Variants in TNRC6B observed in about 807,000 individuals in gnomAD.
The protein encoded by TNRC6B is trinucleotide repeat containing adaptor 6B, also known as trinucleotide repeat-containing gene 6B protein.
TNRC6B carries 52 observed loss-of-function variants against 203.6 expected under a neutral mutation model. The ratio of observed to expected loss-of-function variants is 0.26; its 90% CI spans 0.20 to 0.32. The LOEUF is 0.32. Ranked by LOEUF, TNRC6B falls within the 10% of genes least tolerant of loss-of-function variation. The probability of loss-of-function intolerance (pLI) is 1.00; values close to 1 mark genes in which losing one functional copy is unlikely to be tolerated. For missense variants in TNRC6B, 1,923 were observed against 2,286.2 expected (o/e 0.84, Z 3.24); for synonymous variants, 838 against 845.7 (o/e 0.99, Z 0.16).
intron 3 of TNRC6B, among the ~76,000 whole-genome samples, chr22:40,261,589 G>A (rs537670541): frequency 8.6e-4 from 130 of 151,728 alleles, no homozygotes; most frequent in African/African-American, 3.1e-3. Context: ...GTGAGACTCC[G>A]TCTCAAAAAT....
chr22:40,226,314 GTC>G (rs879527690), intron 1 of TNRC6B, among the ~76,000 whole-genome samples: 3 of 152,092 alleles, frequency 2.0e-5, no homozygotes, highest in Non-Finnish European at 4.4e-5. Flanking sequence ...TGATTTTCTT[GTC>G]TGCCGATTTT....
At chr22:40,125,434 T>C (rs2068482116) in intron 2 of TNRC6B, among the ~76,000 whole-genome samples, 1 of 152,222 alleles carries the variant, frequency 6.6e-6, no homozygotes, top group Admixed American at 6.5e-5. Context: ...TGCCATACTT[T>C]CTTGCAGGTC....
At chr22:40,164,468 T>C (rs2146361166) in intron 4 of TNRC6B, among the ~76,000 whole-genome samples, 1 of 151,716 alleles carries the variant, frequency 6.6e-6, no homozygotes, top group South Asian at 2.1e-4. Context: ...TTAATTTTTT[T>C]TAATTTTATT....
chr22:40,262,520 C>T (rs2070402355), intron 4 of TNRC6B, among the ~76,000 whole-genome samples: 1 of 147,564 alleles, frequency 6.8e-6, no homozygotes, highest in Non-Finnish European at 1.5e-5. Flanking sequence ...TGTGCGAAGG[C>T]GAATCTTTAG....
chr22:40,288,244 G>T (rs1211146793), intron 12 of TNRC6B, among the ~76,000 whole-genome samples: 2 of 151,596 alleles, frequency 1.3e-5, no homozygotes, highest in Non-Finnish European at 2.9e-5. Context: ...CCATTATTTG[G>T]GTTGCTACTT....
chr22:40,130,779 T>TC (rs1555884426), intron 3 of TNRC6B, among the ~76,000 whole-genome samples: 16,599 of 64,882 alleles, frequency 0.26, 2,117 homozygotes, highest in African/African-American at 0.33. Flanking sequence ...AGACTCCGTC[T>TC]AAAAAAAAAA....
At chr22:40,121,601 C>T (rs6001777) in intron 2 of TNRC6B, among the ~76,000 whole-genome samples, 1 of 152,236 alleles carries the variant, frequency 6.6e-6, no homozygotes, top group African/African-American at 2.4e-5. Context: ...GAGGCCAGCA[C>T]AGCTGGCATT....
chr22:40,281,395 T>A, intron 11 of TNRC6B, 106 bp downstream of exon 11: 7 of 925,082 alleles, frequency 7.6e-6, no homozygotes, highest in Non-Finnish European at 1.1e-5. Flanking sequence ...TGTTGATTAC[T>A]GAATGCACAG....
At chr22:40,245,828 A>G (rs2070099520) in intron 1 of TNRC6B, among the ~76,000 whole-genome samples, 187 bp from the exon 2 acceptor site, 1 of 152,224 alleles carries the variant, frequency 6.6e-6, no homozygotes, top group Non-Finnish European at 1.5e-5. Context: ...AAGAGGTGAC[A>G]AACCAAGATG....
In TNRC6B at chr22:40,220,931, C is replaced by G. The variant is rs1300838462; in HGVS notation, c.6-25084C>G. 2.0e-5 allele frequency among the ~76,000 whole-genome samples: 3 copies of G among 152,330 alleles called. No individual in the cohort carries two copies. The South Asian group carries it at 6.2e-4, about 32-fold the overall frequency. On this transcript the variant is annotated intron_variant, in intron 1 of 22. Transcript: ENST00000454349. ...GGGAAAAATGTGAAGCTGAAGCCGG[C>G]ATGTGGGGGAGAGCTAACAACTGGA...
Position 40,285,706 on chromosome 22 carries a change from T to G in TNRC6B, c.3644T>G (p.Val1215Gly). ...CAATCGAGAGGTCTGCACACACCCGTGCAGCCACTAAATTCTTCTCCCAGT... is the reference window on the plus strand; with the variant it reads ...CAATCGAGAGGTCTGCACACACCCGGGCAGCCACTAAATTCTTCTCCCAGT... ...TAQSRGLHTPVQPLNSSPSLR... is the reference protein window; with the variant it reads ...TAQSRGLHTPGQPLNSSPSLR... Residue 1215 changes from valine to glycine, a missense_variant, in exon 12 of 23, where the codon GTG (valine) becomes GGG (glycine). By Grantham distance (109) the Val-to-Gly change is moderately radical. This residue lies in a region of TNRC6B where 242 missense variants were observed against 399.5 expected (regional missense o/e 0.61). Transcript: ENST00000454349. 1.2e-6 allele frequency: 2 copies of G among 1,614,030 alleles called. No individual in the cohort carries two copies. Among genetic ancestry groups the G allele is most frequent in the Non-Finnish European group, 1.7e-6 (2 of 1,179,894 alleles).
intron 4 of TNRC6B, among the ~76,000 whole-genome samples, chr22:40,163,567 A>G (rs1468678622): frequency 1.3e-5 from 2 of 150,430 alleles, no homozygotes; most frequent in African/African-American, 4.9e-5. Context: ...GTTCAAGACC[A>G]GCCTGGCCAA....
intron 1 of TNRC6B, among the ~76,000 whole-genome samples, chr22:40,075,259 C>CT (rs1451098551): frequency 1.5e-5 from 2 of 136,712 alleles, no homozygotes; most frequent in African/African-American, 5.4e-5. Context: ...GTGGATTTGT[C>CT]TATTTCCCCT....
intron 1 of TNRC6B, among the ~76,000 whole-genome samples, chr22:40,191,608 TTCTC>T (rs1381565256): frequency 1.3e-5 from 2 of 152,178 alleles, no homozygotes; most frequent in Non-Finnish European, 2.9e-5. Flanking sequence ...ACAAGACAGG[TTCTC>T]ACTCTGTCAT....
intron 4 of TNRC6B, among the ~76,000 whole-genome samples, chr22:40,160,703 C>T (rs953430930): frequency 6.6e-6 from 1 of 152,040 alleles, no homozygotes; most frequent in Admixed American, 6.6e-5. Context: ...AGCTGTACTA[C>T]AGGCACGCAC....
chr22:40,125,700 G>A lies in TNRC6B; in HGVS notation c.-46-72G>A, dbSNP rs1025441498. ...CTGTGGCCTTATTGAGAGAATTTCA[G>A]TCTAAACCTTTGAAAAAAAAATTTT... On this transcript the variant is annotated intron_variant, in intron 2 of 23. Coordinates refer to the TNRC6B transcript ENST00000301923. The A allele has an allele frequency of 1.8e-5, 18 of 1,013,588 alleles. No homozygotes were observed. In the African/African-American group the frequency reaches 2.1e-4, roughly 12 times the overall value. 62.8% of individuals were successfully genotyped at this position (1,013,588 alleles called of 1,614,324 possible).
chr22:40,168,116 A>C (rs372760945), intron 4 of TNRC6B, among the ~76,000 whole-genome samples: 1 of 152,292 alleles, frequency 6.6e-6, no homozygotes, highest in African/African-American at 2.4e-5. Context: ...TTAATAATTT[A>C]TCTTACACTT....
intron 1 of TNRC6B, among the ~76,000 whole-genome samples, chr22:40,224,869 C>T (rs1358932979): frequency 6.6e-6 from 1 of 152,254 alleles, no homozygotes; most frequent in Non-Finnish European, 1.5e-5. Flanking sequence ...CCTCATCCCT[C>T]TGTTACTCAT....
chr22:40,229,205 A>G (rs1308317371), intron 1 of TNRC6B, among the ~76,000 whole-genome samples: 1 of 152,188 alleles, frequency 6.6e-6, no homozygotes, highest in Non-Finnish European at 1.5e-5. Context: ...AAAAATTCAG[A>G]CATTTGCCTT....
Sources: allele counts gnomAD v4.1 joint callset (sites outside exome capture counted in the v4.1 genomes callset), GRCh38; gene constraint gnomAD v4.1.1; regional missense constraint gnomAD v4.1.1; transcripts MANE v1.5; gene names NCBI Gene and HGNC (gene_info 2026-07-23, HGNC 2026-07-21).